The following CHST9 variants were observed in gnomAD, a reference collection of about 807,000 sequenced individuals.
CHST9 encodes carbohydrate sulfotransferase 9, also known as GalNAc-4-sulfotransferase 2.
A neutral mutation model predicts 44.4 loss-of-function variants in CHST9; 41 were observed. That is an observed-to-expected ratio of 0.92 (90% CI 0.72 to 1.20). The LOEUF is 1.20. CHST9 is among the 50% of genes most tolerant of loss of function. The pLI, the probability that CHST9 is intolerant of heterozygous loss-of-function variation, is 0.00. For missense variants in CHST9, 504 were observed against 516.5 expected (o/e 0.98, Z 0.23); for synonymous variants, 171 against 178.4 (o/e 0.96, Z 0.33).
chr18:26,987,016 T>C (rs1704505633), intron 4 of CHST9, among the ~76,000 whole-genome samples: 1 of 151,992 alleles, frequency 6.6e-6, no homozygotes, highest in African/African-American at 2.4e-5. Context: ...AATGCTGTGG[T>C]TTGGATATGA....
chr18:27,185,303 C>A lies in CHST9; in HGVS notation c.-264G>T. The A allele has an allele frequency of 6.6e-6, 1 of 151,642 alleles. No individual in the cohort carries two copies. The highest frequency in any genetic ancestry group is 2.0e-4 in the South Asian group (1 of 5,010). The allele number at this position is 151,642 out of a possible 1,614,324, so 9.4% of individuals were successfully genotyped here. Reference sequence around the variant, plus strand: ...CGGGGACAGCTCGGAGTCGGGCGCTCACCCTGGCCCTGACCCTCCCGCGTC... The same window carrying A: ...CGGGGACAGCTCGGAGTCGGGCGCTAACCCTGGCCCTGACCCTCCCGCGTC... On this transcript the variant is annotated 5_prime_UTR_variant, in exon 1 of 6. Coordinates refer to ENST00000618847, the MANE Select transcript of CHST9 (RefSeq NM_031422.6).
chr18:27,011,614 G>T (rs2057086352), intron 4 of CHST9, among the ~76,000 whole-genome samples: 1 of 152,240 alleles, frequency 6.6e-6, no homozygotes. Context: ...AAATTGAAAA[G>T]GGGAGATCTT....
chr18:27,036,858 G>A (rs1379199072), intron 3 of CHST9, among the ~76,000 whole-genome samples: 4 of 152,186 alleles, frequency 2.6e-5, no homozygotes, highest in African/African-American at 7.2e-5. Flanking sequence ...ATTGTGAACT[G>A]TAGGTATGAT....
chr18:27,170,265 T>G (rs1250470357), intron 1 of CHST9, among the ~76,000 whole-genome samples: 1 of 152,164 alleles, frequency 6.6e-6, no homozygotes. Context: ...TTATCTCTCT[T>G]TCTTTCATCT....
intron 4 of CHST9, among the ~76,000 whole-genome samples, chr18:26,973,405 G>A (rs1188920214): frequency 3.9e-5 from 6 of 152,150 alleles, no homozygotes; most frequent in Non-Finnish European, 8.8e-5. Flanking sequence ...TCAAGGAGGC[G>A]AAGGTGCGGA....
intron 2 of CHST9, among the ~76,000 whole-genome samples, chr18:27,097,529 T>A (rs1309349857): frequency 6.6e-6 from 1 of 152,116 alleles, no homozygotes; most frequent in Admixed American, 6.5e-5. Context: ...CTGGAACTGA[T>A]AAATGACTTT....
chr18:26,916,675 C>G lies in CHST9; in HGVS notation c.916G>C (p.Gly306Arg). ...CGATATTTCTTGATAATTGCCTTTC[C>G]GAATACTGGATGGTAATAACTATTG... Reference protein sequence around the residue: ...HPNSYYHPVFGKAIIKKYRPN... With the variant: ...HPNSYYHPVFRKAIIKKYRPN... Residue 306 changes from glycine (G) to arginine (R), a missense_variant, in exon 6 of 6, where the codon GGA becomes CGA. Coordinates refer to ENST00000618847, the MANE Select transcript of CHST9 (RefSeq NM_031422.6). 6.2e-7 allele frequency: 1 copy of G among 1,613,844 alleles called. No homozygotes were observed. Among genetic ancestry groups the G allele is most frequent in the Non-Finnish European group, 8.5e-7 (1 of 1,179,798 alleles).
At position 26,994,092 on chromosome 18, in the gene CHST9, C is replaced by T. The variant is rs148013497; in HGVS notation, c.202+30024G>A. On this transcript the variant is annotated intron_variant, in intron 4 of 5. Transcript: ENST00000618847. ...CTGTCAGAATGGATGAAGGCCCACT[C>T]TAAAGGCCTCATTTTAACATAATTA... Among the ~76,000 whole-genome samples, 582 of 152,314 alleles carry T rather than the reference C, an allele frequency of 3.8e-3. 3 individuals are homozygous for T. Among genetic ancestry groups the T allele is most frequent in the African/African-American group, 0.014 (567 of 41,572 alleles).
chr18:26,913,904 C>A lies in CHST9; in HGVS notation c.*2355G>T, dbSNP rs1241643623. 2.0e-5 allele frequency: 3 copies of A among 152,104 alleles called. No homozygotes were observed. The highest frequency in any genetic ancestry group is 3.9e-4 in the East Asian group (2 of 5,192). 9.4% of individuals were successfully genotyped at this position (152,104 alleles called of 1,614,324 possible). On this transcript the variant is annotated 3_prime_UTR_variant, in exon 6 of 6. Coordinates refer to ENST00000618847, the MANE Select transcript of CHST9 (RefSeq NM_031422.6). ...CTTTGGTCCTAACATGAAAATAAGCCATCTAAAATGAAGAGCAGGTACATA... is the reference window on the plus strand; with the variant it reads ...CTTTGGTCCTAACATGAAAATAAGCAATCTAAAATGAAGAGCAGGTACATA...
chr18:27,096,959 C>T (rs1393376926), intron 2 of CHST9, among the ~76,000 whole-genome samples: 1 of 151,784 alleles, frequency 6.6e-6, no homozygotes, highest in Admixed American at 6.6e-5. Flanking sequence ...TGAAACCTGG[C>T]AAAGAAACAA....
intron 4 of CHST9, among the ~76,000 whole-genome samples, chr18:26,956,469 T>TTA (rs1394634607): frequency 2.0e-5 from 3 of 147,816 alleles, no homozygotes; most frequent in Non-Finnish European, 4.5e-5. Context: ...ATATATACAA[T>TTA]TATATATATA....
At chr18:26,948,402 T>A (rs907793900) in intron 4 of CHST9, among the ~76,000 whole-genome samples, 4 of 151,870 alleles carry the variant, frequency 2.6e-5, no homozygotes, top group Non-Finnish European at 4.4e-5. Flanking sequence ...AAAAAAAAAA[T>A]ATCATACACA....
At chr18:26,928,622 G>A (rs1264311518) in intron 5 of CHST9, among the ~76,000 whole-genome samples, 1 of 152,154 alleles carries the variant, frequency 6.6e-6, no homozygotes, top group Non-Finnish European at 1.5e-5. Context: ...GAAAGGAAAG[G>A]CACAGAATAT....
intron 3 of CHST9, among the ~76,000 whole-genome samples, chr18:27,028,313 T>C (rs1408301307): frequency 3.9e-5 from 6 of 152,182 alleles, no homozygotes; most frequent in Non-Finnish European, 8.8e-5. Context: ...ATATCATTGG[T>C]TTACATAATT....
intron 1 of CHST9, among the ~76,000 whole-genome samples, chr18:27,145,190 G>C (rs1456956783): frequency 1.3e-5 from 2 of 152,038 alleles, no homozygotes; most frequent in Non-Finnish European, 1.5e-5. Flanking sequence ...TTGTTTGTTT[G>C]TTTTGTTTAT....
chr18:27,018,602 G>A (rs1389252799), intron 4 of CHST9, among the ~76,000 whole-genome samples: 3 of 152,114 alleles, frequency 2.0e-5, no homozygotes, highest in African/African-American at 4.8e-5. Context: ...TGCAGGATAA[G>A]GGCTTTTCAG....
chr18:26,933,746 C>T (rs183926222), intron 5 of CHST9: 1 of 153,616 alleles, frequency 6.5e-6, no homozygotes, highest in East Asian at 1.9e-4. Flanking sequence ...TCTCTGTTCT[C>T]AAGGTACTCA....
Position 27,015,323 on chromosome 18 carries a change from T to TGTG in CHST9, c.202+8792_202+8793insCAC, listed in dbSNP as rs2057139007. 6.1e-5 allele frequency among the ~76,000 whole-genome samples: 9 copies of TGTG among 146,454 alleles called. No homozygotes were observed. In the South Asian group the frequency reaches 2.0e-3, roughly 33 times the overall value. On this transcript the variant is annotated intron_variant, in intron 4 of 5. Transcript: ENST00000618847. ...GTTTAAATGATCACCAGAGAGGCAG[T>TGTG]TGTGTGTGTGTGTGTGTGTGTGTGT...
rs983800971 is a variant in CHST9, at chr18:26,959,837, G to A, written c.203-15471C>T. ...TTTGAGTCAAAGATTGATCCAAATG[G>A]TACCCTAGGAAGATTAACCTTGAGG... On this transcript the variant is annotated intron_variant, in intron 4 of 5. Transcript: ENST00000618847. Among the ~76,000 whole-genome samples, 15 of 152,134 alleles carry A rather than the reference G, an allele frequency of 9.9e-5. 1 individual carries two copies. Among genetic ancestry groups the A allele is most frequent in the Non-Finnish European group, 1.5e-5 (1 of 68,012 alleles).
Sources: allele counts gnomAD v4.1 joint callset (sites outside exome capture counted in the v4.1 genomes callset), GRCh38; gene constraint gnomAD v4.1.1; transcripts MANE v1.5; gene names NCBI Gene and HGNC (gene_info 2026-07-23, HGNC 2026-07-21).